Variants in LY6S observed in about 807,000 individuals in gnomAD.
LY6S encodes the protein lymphocyte antigen 6 family member S, also known as lymphocyte antigen 6S.
the LY6S span, among the ~76,000 whole-genome samples, chr8:143,064,612 T>C: frequency 6.6e-6 from 1 of 152,250 alleles, no homozygotes; most frequent in Admixed American, 6.5e-5. Context: ...AACTTGTGTG[T>C]GGCTTTAGGA....
At chr8:143,070,188 C>A in the LY6S span, among the ~76,000 whole-genome samples, 1 of 151,240 alleles carries the variant, frequency 6.6e-6, no homozygotes, top group Non-Finnish European at 1.5e-5. Flanking sequence ...TATAAGGACA[C>A]CAGGCATGCT....
the LY6S span, among the ~76,000 whole-genome samples, chr8:143,060,569 T>C: frequency 5.9e-5 from 9 of 152,244 alleles, no homozygotes; most frequent in Non-Finnish European, 1.3e-4. Flanking sequence ...ATGACTTGTG[T>C]GACCTTACCT....
At chr8:143,063,681 G>A in the LY6S span, among the ~76,000 whole-genome samples, 1 of 152,192 alleles carries the variant, frequency 6.6e-6, no homozygotes, top group African/African-American at 2.4e-5. Flanking sequence ...TTGTGCATAG[G>A]TTCTTTAGGC....
chr8:143,046,544 C>A, the LY6S span, among the ~76,000 whole-genome samples: 1 of 149,122 alleles, frequency 6.7e-6, no homozygotes, highest in African/African-American at 2.5e-5. Flanking sequence ...CGCCACTACA[C>A]TCCAGCTTGG....
the LY6S span, among the ~76,000 whole-genome samples, chr8:143,054,733 G>A: frequency 1.8e-4 from 28 of 152,182 alleles, no homozygotes; most frequent in African/African-American, 3.1e-4. Context: ...CCAACATTGC[G>A]CGAGCCGCCT....
At chr8:143,052,730 C>T in the LY6S span, among the ~76,000 whole-genome samples, 8 of 152,236 alleles carry the variant, frequency 5.3e-5, no homozygotes, top group African/African-American at 1.2e-4. Context: ...CGCAATCCTC[C>T]GGCAAGATTG....
At chr8:143,043,854 T>C in the LY6S span, among the ~76,000 whole-genome samples, 1 of 152,186 alleles carries the variant, frequency 6.6e-6, no homozygotes, top group Non-Finnish European at 1.5e-5. Flanking sequence ...TTTGTATTTT[T>C]AATAGATACA....
At chr8:143,069,657 A>G in the LY6S span, among the ~76,000 whole-genome samples, 2,226 of 152,282 alleles carry the variant, frequency 0.015, 29 homozygotes, top group South Asian at 0.033. Context: ...TGCCTTCCAT[A>G]TCCAGCTTTC....
At chr8:143,071,203 T>C in the LY6S span, among the ~76,000 whole-genome samples, 2 of 91,728 alleles carry the variant, frequency 2.2e-5, no homozygotes, top group Non-Finnish European at 4.2e-5. Flanking sequence ...GCAGCATGGA[T>C]GTTGGGGAAG....
At chr8:143,051,842 C>A in the LY6S span, among the ~76,000 whole-genome samples, 1 of 148,836 alleles carries the variant, frequency 6.7e-6, no homozygotes, top group Admixed American at 6.7e-5. Flanking sequence ...CATGGTGGCA[C>A]CCACCTGTAA....
the LY6S span, among the ~76,000 whole-genome samples, chr8:143,050,509 G>A: frequency 2.0e-5 from 3 of 152,078 alleles, no homozygotes; most frequent in African/African-American, 2.4e-5. Flanking sequence ...ACACACCTTC[G>A]AGGTCCTCAC....
At chr8:143,049,226 G>T in the LY6S span, 2 of 534,706 alleles carry the variant, frequency 3.7e-6, no homozygotes, top group Non-Finnish European at 7.7e-6. Flanking sequence ...TCGGCACCAC[G>T]GGAACCACCT....
chr8:143,050,176 C>CTTTTT, the LY6S span, among the ~76,000 whole-genome samples: 1 of 114,866 alleles, frequency 8.7e-6, no homozygotes, highest in Admixed American at 9.2e-5. Flanking sequence ...CAAAACCTGA[C>CTTTTT]TTTTTTTTTT....
At chr8:143,071,683 C>G in the LY6S span, among the ~76,000 whole-genome samples, 2 of 152,128 alleles carry the variant, frequency 1.3e-5, no homozygotes, top group African/African-American at 4.8e-5. Context: ...CCCAAGGTCC[C>G]CAAACAGCTT....
chr8:143,041,058 C>A, the LY6S span, among the ~76,000 whole-genome samples: 9 of 152,056 alleles, frequency 5.9e-5, no homozygotes, highest in African/African-American at 2.2e-4. Context: ...GGGACCGGGG[C>A]GAAATTAAAA....
At chr8:143,057,865 C>T in the LY6S span, 3 of 680,050 alleles carry the variant, frequency 4.4e-6, no homozygotes, top group South Asian at 3.1e-5. Context: ...GGGCCTGTGT[C>T]GGGTGCCATA....
At chr8:143,076,387 G>GGA in the LY6S span, among the ~76,000 whole-genome samples, 1 of 152,176 alleles carries the variant, frequency 6.6e-6, no homozygotes, top group Non-Finnish European at 1.5e-5. Flanking sequence ...GAGGGGTCTC[G>GGA]CTGGGGACGC....
the LY6S span, among the ~76,000 whole-genome samples, chr8:143,070,483 A>T: frequency 1.2e-3 from 102 of 85,826 alleles, 2 homozygotes; most frequent in African/African-American, 6.1e-3. Flanking sequence ...ATAAATATAT[A>T]TATATATTTT....
At chr8:143,052,492 C>G in the LY6S span, among the ~76,000 whole-genome samples, 1 of 152,214 alleles carries the variant, frequency 6.6e-6, no homozygotes, top group African/African-American at 2.4e-5. Flanking sequence ...ACCCCTCCTG[C>G]TGAGGACTGG....
Sources: allele counts gnomAD v4.1 joint callset (sites outside exome capture counted in the v4.1 genomes callset), GRCh38; gene constraint gnomAD v4.1.1; transcripts MANE v1.5; gene names NCBI Gene and HGNC (gene_info 2026-07-23, HGNC 2026-07-21).